DUSP23: variants seen among roughly 807,000 people sequenced by gnomAD.
The protein encoded by DUSP23 is dual specificity protein phosphatase 23.
DUSP23 carries 10 observed loss-of-function variants against 13.3 expected under a neutral mutation model. The ratio of observed to expected loss-of-function variants is 0.75; its 90% CI spans 0.46 to 1.27. DUSP23 has a LOEUF of 1.27. Among genes scored for constraint, DUSP23 ranks in the 50% most tolerant of loss-of-function variants. The probability of loss-of-function intolerance (pLI) is 0.00; values close to 1 mark genes in which losing one functional copy is unlikely to be tolerated. For missense variants in DUSP23, 228 were observed against 204.8 expected (o/e 1.11, Z -0.69); for synonymous variants, 107 against 95.3 (o/e 1.12, Z -0.72).
At chr1:159,781,675 T>G (rs1185587030) in intron 1 of DUSP23, among the ~76,000 whole-genome samples, 1 of 152,060 alleles carries the variant, frequency 6.6e-6, no homozygotes. Context: ...TGGAGGCTGT[T>G]TACCATTTTC....
intron 1 of DUSP23, 49 bp downstream of exon 1, chr1:159,781,416 G>T: frequency 1.4e-6 from 2 of 1,448,668 alleles, no homozygotes; most frequent in South Asian, 1.4e-5. Flanking sequence ...GAAGGTCAGC[G>T]GGGGACACGG....
At chr1:159,781,938 A>G (rs1442712068) in intron 1 of DUSP23, among the ~76,000 whole-genome samples, 1 of 152,244 alleles carries the variant, frequency 6.6e-6, no homozygotes, top group Admixed American at 6.5e-5. Context: ...TGTATTGAAC[A>G]CCACAGGTGG....
intron 1 of DUSP23, among the ~76,000 whole-genome samples, chr1:159,781,579 G>C (rs1365649523): frequency 6.6e-6 from 1 of 152,222 alleles, no homozygotes; most frequent in African/African-American, 2.4e-5. Context: ...GGCTTGAGGA[G>C]AGGCAGTGAA....
chr1:159,781,171 T>G lies in DUSP23; in HGVS notation c.71T>G (p.Leu24Arg). The G allele has an allele frequency of 3.2e-6, 5 of 1,549,028 alleles. No individual in the cohort carries two copies. The Middle Eastern group carries it at 7.0e-4, about 216-fold the overall frequency. ...CTGGCGGGACTGGCGCTGCCGCGGC[T>G]CCCCGCCCACTACCAGTTCCTGTTG... ...GRLAGLALPR[L>R]PAHYQFLLDL... The change falls in exon 1 of 2, where the codon CTC (leucine) becomes CGC (arginine). Residue 24 changes from leucine to arginine, a missense_variant. Physicochemically the swap from Leu to Arg is moderately radical, Grantham distance 102. Coordinates refer to ENST00000368107, the MANE Select transcript of DUSP23 (RefSeq NM_001319658.2).
In DUSP23 at chr1:159,782,141, C is replaced by G. The variant is rs1557862516; in HGVS notation, c.268-12C>G. ...GGAGTTGAGTGGCACCCATCGAGCC[C>G]CCTCTTCGTAGGCTGTGGGAGTGCA... On this transcript the variant is annotated splice_polypyrimidine_tract_variant and intron_variant, in intron 1 of 1. Coordinates refer to ENST00000368107, the MANE Select transcript of DUSP23 (RefSeq NM_001319658.2). 6.2e-7 allele frequency: 1 copy of G among 1,612,506 alleles called. No homozygotes were observed. The highest frequency in any genetic ancestry group is 8.5e-7 in the Non-Finnish European group (1 of 1,178,932).
At position 159,781,220 on chromosome 1, in the gene DUSP23, G is replaced by A; in HGVS notation, c.120G>A (p.Val40=). Residue 40 remains valine, a synonymous_variant, in exon 1 of 2, where the codon GTG becomes GTA. Coordinates refer to ENST00000368107, the MANE Select transcript of DUSP23 (RefSeq NM_001319658.2). ...TGGACCTGGGCGTGCGGCACCTGGTGTCCCTGACGGAGCGCGGGCCCCCTC... is the reference window on the plus strand; with the variant it reads ...TGGACCTGGGCGTGCGGCACCTGGTATCCCTGACGGAGCGCGGGCCCCCTC... ...FLLDLGVRHL[V]SLTERGPPHS... 6.5e-7 allele frequency: 1 copy of A among 1,549,376 alleles called. No individual in the cohort carries two copies. Among genetic ancestry groups the A allele is most frequent in the Non-Finnish European group, 8.7e-7 (1 of 1,146,406 alleles).
chr1:159,781,024 G>T lies in DUSP23; in HGVS notation c.-77G>T, dbSNP rs1006126451. ...TGGTGAGTTACTTGGCTCGGAGCGG[G>T]CGAGGGGACGCGTGGGCGGAGCGGG... is the stretch of plus-strand genomic sequence containing the variant. On this transcript the variant is annotated 5_prime_UTR_variant, in exon 1 of 2. Coordinates refer to ENST00000368107, the MANE Select transcript of DUSP23 (RefSeq NM_001319658.2). 7 of 1,454,850 alleles carry T rather than the reference G, an allele frequency of 4.8e-6. No individual in the cohort carries two copies. In the African/African-American group the frequency reaches 1.0e-4, roughly 21 times the overall value. The allele number at this position is 1,454,850 out of a possible 1,614,324, so 90.1% of individuals were successfully genotyped here. A position where few individuals can be genotyped will look rare whatever the true frequency, so the allele number is the denominator to read the frequency against.
chr1:159,781,277 C>G lies in DUSP23; in HGVS notation c.177C>G (p.His59Gln). 1.9e-6 allele frequency: 3 copies of G among 1,547,996 alleles called. No individual in the cohort carries two copies. The highest frequency in any genetic ancestry group is 2.6e-6 in the Non-Finnish European group (3 of 1,146,054). Residue 59 changes from histidine to glutamine, a missense_variant, in exon 1 of 2, where the codon CAC becomes CAG. His to Gln is a conservative substitution (Grantham distance 24). Coordinates refer to ENST00000368107, the MANE Select transcript of DUSP23 (RefSeq NM_001319658.2). Reference protein sequence around the residue: ...HSDSCPGLTLHRLRIPDFCPP... With the variant: ...HSDSCPGLTLQRLRIPDFCPP... ...ACAGCTGCCCCGGCCTCACCCTGCACCGCCTGCGCATCCCCGACTTCTGCC... is the reference window on the plus strand; with the variant it reads ...ACAGCTGCCCCGGCCTCACCCTGCAGCGCCTGCGCATCCCCGACTTCTGCC...
rs189714700 is a variant in DUSP23 at position 159,781,289 on chromosome 1, C to T, written c.189C>T (p.Ile63=). The T allele has an allele frequency of 1.3e-4, 207 of 1,547,346 alleles. No homozygotes were observed. The highest frequency in any genetic ancestry group is 1.7e-4 in the Non-Finnish European group (192 of 1,145,706). ...GCCTCACCCTGCACCGCCTGCGCAT[C>T]CCCGACTTCTGCCCGCCGGCCCCCG... is the stretch of plus-strand genomic sequence containing the variant. ...CPGLTLHRLR[I]PDFCPPAPDQ... is the part of the protein sequence containing the mutation. The change falls in exon 1 of 2, where the codon ATC becomes ATT. Residue 63 remains isoleucine, a synonymous_variant. Transcript: ENST00000368107.
chr1:159,781,772 G>T (rs1354982512), intron 1 of DUSP23, among the ~76,000 whole-genome samples: 1 of 152,200 alleles, frequency 6.6e-6, no homozygotes, highest in African/African-American at 2.4e-5. Context: ...AAAAAGCAGG[G>T]AAGCAGATAA....
chr1:159,781,009 C>T lies in DUSP23; in HGVS notation c.-92C>T, dbSNP rs1220493597. The T allele has an allele frequency of 6.0e-5, 85 of 1,426,310 alleles. No homozygotes were observed. Among genetic ancestry groups the T allele is most frequent in the Non-Finnish European group, 5.1e-5 (55 of 1,087,626 alleles). 88.4% of individuals were successfully genotyped at this position (1,426,310 alleles called of 1,614,324 possible). A position where few individuals can be genotyped will look rare whatever the true frequency, so the allele number is the denominator to read the frequency against. On this transcript the variant is annotated 5_prime_UTR_variant, in exon 1 of 2. Transcript: ENST00000368107. ...CCGAGGCCAGGTAGGTGGTGAGTTA[C>T]TTGGCTCGGAGCGGGCGAGGGGACG...
rs989248247 is a variant in DUSP23 at position 159,782,511 on chromosome 1, G to A, written c.*173G>A. Reference sequence around the variant, plus strand: ...CCTGATTGAAGGGGAGGCTTGTACTGCTTTGTTGAATAAATGAGTTTTACG... The same window carrying A: ...CCTGATTGAAGGGGAGGCTTGTACTACTTTGTTGAATAAATGAGTTTTACG... On this transcript the variant is annotated 3_prime_UTR_variant, in exon 2 of 2. Transcript: ENST00000368107. 9 of 724,624 alleles carry A rather than the reference G, an allele frequency of 1.2e-5. No individual in the cohort carries two copies. The Admixed American group carries it at 1.5e-4, about 12-fold the overall frequency. The allele number at this position is 724,624 out of a possible 1,614,324, so 44.9% of individuals were successfully genotyped here.
In DUSP23 at chr1:159,781,481, C is replaced by T. The variant is rs1447038966; in HGVS notation, c.267+114C>T. Reference sequence around the variant, plus strand: ...ACTTAACTGGGCTCGGGGAGGCAGACAGTAGGGCCGGGAGACTGGGAAGCC... The same window carrying T: ...ACTTAACTGGGCTCGGGGAGGCAGATAGTAGGGCCGGGAGACTGGGAAGCC... On this transcript the variant is annotated intron_variant, in intron 1 of 1. Transcript: ENST00000368107. 11 of 1,332,454 alleles carry T rather than the reference C, an allele frequency of 8.3e-6. No homozygotes were observed. In the Admixed American group the frequency reaches 3.3e-4, roughly 40 times the overall value. 82.5% of individuals were successfully genotyped at this position (1,332,454 alleles called of 1,614,324 possible).
In DUSP23 at chr1:159,782,418, C is replaced by A. The variant is rs1170855323; in HGVS notation, c.*80C>A. On this transcript the variant is annotated 3_prime_UTR_variant, in exon 2 of 2. Transcript: ENST00000368107. ...GGGGCCAGAGATGAAGGGAAGTGGACTAAAGTATTAAACCCTCTAGCTCCC... is the reference window on the plus strand; with the variant it reads ...GGGGCCAGAGATGAAGGGAAGTGGAATAAAGTATTAAACCCTCTAGCTCCC... 6.6e-7 allele frequency: 1 copy of A among 1,506,158 alleles called. No homozygotes were observed. Among genetic ancestry groups the A allele is most frequent in the Non-Finnish European group, 9.0e-7 (1 of 1,107,010 alleles). 93.3% of individuals were successfully genotyped at this position (1,506,158 alleles called of 1,614,324 possible). A position where few individuals can be genotyped will look rare whatever the true frequency, so the allele number is the denominator to read the frequency against.
rs1435443576 is a variant in DUSP23, at chr1:159,781,081, T to C, written c.-20T>C. On this transcript the variant is annotated 5_prime_UTR_variant, in exon 1 of 2. Coordinates refer to ENST00000368107, the MANE Select transcript of DUSP23 (RefSeq NM_001319658.2). Reference sequence around the variant, plus strand: ...CAGCCTCGGCCCCCATGACCCGCTGTCCTGTGCCCTTTCCCAGCGATGGGC... The same window carrying C: ...CAGCCTCGGCCCCCATGACCCGCTGCCCTGTGCCCTTTCCCAGCGATGGGC... 5 of 1,536,684 alleles carry C rather than the reference T, an allele frequency of 3.3e-6. No individual in the cohort carries two copies. Among genetic ancestry groups the C allele is most frequent in the East Asian group, 2.5e-5 (1 of 40,712 alleles).
At chr1:159,782,023 C>T in intron 1 of DUSP23, 130 bp from the exon 2 acceptor site, 1 of 1,036,458 alleles carries the variant, frequency 9.6e-7, no homozygotes, top group South Asian at 1.5e-5. Flanking sequence ...CAGGGACAGC[C>T]CTCCCTGACT....
At chr1:159,782,032 C>T (rs771826066) in intron 1 of DUSP23, 121 bp from the exon 2 acceptor site, 1 of 1,195,120 alleles carries the variant, frequency 8.4e-7, no homozygotes, top group Non-Finnish European at 1.2e-6. Flanking sequence ...CCCTCCCTGA[C>T]TTTGCTGCAG....
chr1:159,781,681 T>C (rs976994485), intron 1 of DUSP23, among the ~76,000 whole-genome samples: 2 of 152,098 alleles, frequency 1.3e-5, no homozygotes, highest in African/African-American at 4.8e-5. Context: ...CTGTTTACCA[T>C]TTTCTAGAGT....
Position 159,781,155 on chromosome 1 carries a change from C to A in DUSP23, c.55C>A (p.Leu19Met). 1 of 1,548,892 alleles carries A rather than the reference C, an allele frequency of 6.5e-7. No individual in the cohort carries two copies. The highest frequency in any genetic ancestry group is 2.0e-5 in the Admixed American group (1 of 50,986). The change falls in exon 1 of 2, where the codon CTG (leucine) becomes ATG (methionine). Residue 19 changes from leucine (L) to methionine (M), a missense_variant. Physicochemically the swap from Leu to Met is conservative, Grantham distance 15. Coordinates refer to ENST00000368107, the MANE Select transcript of DUSP23 (RefSeq NM_001319658.2). ...SWVLPGRLAG[L>M]ALPRLPAHYQ... ...GGTGCTTCCGGGCCGGCTGGCGGGA[C>A]TGGCGCTGCCGCGGCTCCCCGCCCA...
Sources: allele counts gnomAD v4.1 joint callset (sites outside exome capture counted in the v4.1 genomes callset), GRCh38; gene constraint gnomAD v4.1.1; transcripts MANE v1.5; gene names NCBI Gene and HGNC (gene_info 2026-07-23, HGNC 2026-07-21).